CHRM3: variants seen among roughly 807,000 people sequenced by gnomAD.
The protein encoded by CHRM3 is muscarinic acetylcholine receptor M3.
A neutral mutation model predicts 41.8 loss-of-function variants in CHRM3; 11 were observed. The ratio of observed to expected loss-of-function variants is 0.26; its 90% CI spans 0.17 to 0.44. The LOEUF is 0.44. CHRM3 is among the 20% of genes least tolerant of loss of function. The pLI is 1.00. For missense variants in CHRM3, 571 were observed against 745.4 expected, an observed-to-expected ratio of 0.77 and a Z score of 2.72; for synonymous variants, 297 against 301.4, an observed-to-expected ratio of 0.99 and a Z score of 0.15.
intron 6 of CHRM3, among the ~76,000 whole-genome samples, chr1:239,882,877 C>T (rs1382952478): frequency 1.3e-5 from 2 of 152,184 alleles, no homozygotes; most frequent in Non-Finnish European, 2.9e-5. Flanking sequence ...TTCAATAAAC[C>T]TATGAAGAAG....
chr1:239,593,918 A>G (rs1391864514), intron 3 of CHRM3, among the ~76,000 whole-genome samples: 1 of 152,206 alleles, frequency 6.6e-6, no homozygotes, highest in African/African-American at 2.4e-5. Context: ...TGTGCTATAT[A>G]ACCTCTTTAA....
At chr1:239,457,204 A>C (rs1320726673) in intron 1 of CHRM3, among the ~76,000 whole-genome samples, 1 of 152,186 alleles carries the variant, frequency 6.6e-6, no homozygotes, top group African/African-American at 2.4e-5. Context: ...TAACTTTTTA[A>C]GCCTCCATTT....
At chr1:239,541,074 T>A (rs1658730047) in intron 2 of CHRM3, among the ~76,000 whole-genome samples, 1 of 152,132 alleles carries the variant, frequency 6.6e-6, no homozygotes, top group Non-Finnish European at 1.5e-5. Flanking sequence ...ATTATAATAT[T>A]GATGGAAAAA....
intron 4 of CHRM3, among the ~76,000 whole-genome samples, chr1:239,672,136 T>C (rs915101842): frequency 6.6e-6 from 1 of 152,178 alleles, no homozygotes; most frequent in Non-Finnish European, 1.5e-5. Flanking sequence ...GTTCAGCCTG[T>C]CAGTCAGAGG....
intron 5 of CHRM3, among the ~76,000 whole-genome samples, chr1:239,792,416 G>T (rs1169939312): frequency 6.6e-6 from 1 of 152,084 alleles, no homozygotes; most frequent in Non-Finnish European, 1.5e-5. Flanking sequence ...GTCAAAGAGA[G>T]CTGGTTTGCC....
At chr1:239,560,805 A>G (rs1479567961) in intron 3 of CHRM3, among the ~76,000 whole-genome samples, 1 of 152,130 alleles carries the variant, frequency 6.6e-6, no homozygotes, top group Non-Finnish European at 1.5e-5. Context: ...AACAAGGATG[A>G]CATCTTTACT....
chr1:239,775,736 C>T (rs1193307040), intron 5 of CHRM3, among the ~76,000 whole-genome samples: 1 of 152,128 alleles, frequency 6.6e-6, no homozygotes, highest in Non-Finnish European at 1.5e-5. Flanking sequence ...TTGCACCAGT[C>T]ATCATATGAT....
intron 2 of CHRM3, among the ~76,000 whole-genome samples, chr1:239,540,951 T>C (rs945658861): frequency 6.6e-6 from 1 of 152,204 alleles, no homozygotes. Context: ...AAAGCATCAT[T>C]TAACAAAGTA....
intron 6 of CHRM3, among the ~76,000 whole-genome samples, chr1:239,872,013 C>T (rs531058611): frequency 1.3e-5 from 2 of 152,174 alleles, no homozygotes; most frequent in East Asian, 1.9e-4. Context: ...ATAATTGGCC[C>T]GTCATTGTTC....
chr1:239,404,464 AAG>A (rs1206596061), intron 1 of CHRM3, among the ~76,000 whole-genome samples: 2 of 125,824 alleles, frequency 1.6e-5, no homozygotes, highest in Non-Finnish European at 3.5e-5. Flanking sequence ...GAAAGAAAGA[AAG>A]AAAAAGAAAG....
chr1:239,526,855 C>T (rs1263381244), intron 2 of CHRM3, among the ~76,000 whole-genome samples: 1 of 152,122 alleles, frequency 6.6e-6, no homozygotes, highest in East Asian at 1.9e-4. Flanking sequence ...GGTGCAGTGG[C>T]TCACCCCTGT....
At chr1:239,400,718 TTG>T (rs1205933163) in intron 1 of CHRM3, among the ~76,000 whole-genome samples, 1 of 152,172 alleles carries the variant, frequency 6.6e-6, no homozygotes, top group African/African-American at 2.4e-5. Context: ...CCTTTCTTCA[TTG>T]TGTGTTTTTG....
intron 2 of CHRM3, among the ~76,000 whole-genome samples, chr1:239,527,658 T>C (rs1203043196): frequency 6.6e-6 from 1 of 152,248 alleles, no homozygotes; most frequent in Non-Finnish European, 1.5e-5. Context: ...TGCTTTTCTC[T>C]GTGTTCTTAC....
chr1:239,576,440 A>G (rs906540468), intron 3 of CHRM3, among the ~76,000 whole-genome samples: 1 of 152,122 alleles, frequency 6.6e-6, no homozygotes, highest in African/African-American at 2.4e-5. Flanking sequence ...TCATGAGTGA[A>G]TATGAAATTT....
At chr1:239,719,013 GACTCCA>G (rs1662671218) in intron 5 of CHRM3, 1 of 151,976 alleles carries the variant, frequency 6.6e-6, no homozygotes, top group African/African-American at 2.4e-5. Context: ...CAAGATGCTA[GACTCCA>G]AAAAATAAGA....
intron 2 of CHRM3, among the ~76,000 whole-genome samples, chr1:239,524,011 G>A (rs1669827585): frequency 6.6e-6 from 1 of 152,180 alleles, no homozygotes; most frequent in African/African-American, 2.4e-5. Context: ...GGCAAGGGAT[G>A]CTGAATTATG....
chr1:239,485,845 G>A (rs1315855107), intron 1 of CHRM3, among the ~76,000 whole-genome samples: 2 of 152,078 alleles, frequency 1.3e-5, no homozygotes, highest in South Asian at 4.2e-4. Flanking sequence ...AATGTTTTCT[G>A]TCAGTCGGTG....
chr1:239,416,535 T>C (rs1337497822), intron 1 of CHRM3, among the ~76,000 whole-genome samples: 2 of 152,230 alleles, frequency 1.3e-5, no homozygotes, highest in East Asian at 1.9e-4. Flanking sequence ...CAGGTATCAG[T>C]AGCAATTGTG....
chr1:239,779,620 A>G (rs909372511), intron 5 of CHRM3, among the ~76,000 whole-genome samples: 1 of 152,194 alleles, frequency 6.6e-6, no homozygotes, highest in East Asian at 1.9e-4. Flanking sequence ...CTGTCATCCC[A>G]GCTACTTGGG....
Sources: allele counts gnomAD v4.1 joint callset (sites outside exome capture counted in the v4.1 genomes callset), GRCh38; gene constraint gnomAD v4.1.1; transcripts MANE v1.5; gene names NCBI Gene and HGNC (gene_info 2026-07-23, HGNC 2026-07-21).